FBXL17: variants seen among roughly 807,000 people sequenced by gnomAD.
FBXL17 encodes the protein F-box/LRR-repeat protein 17.
Under a neutral mutation model 66.2 loss-of-function variants are expected in FBXL17, and 22 were observed. The observed-to-expected ratio is 0.33, with a 90% CI of 0.24 to 0.47. The LOEUF (loss-of-function observed/expected upper bound fraction) is 0.47. Ranked by LOEUF, FBXL17 falls within the 20% of genes least tolerant of loss-of-function variation. The pLI, the probability that FBXL17 is intolerant of heterozygous loss-of-function variation, is 1.00. For missense variants in FBXL17, 878 were observed against 948.2 expected, an observed-to-expected ratio of 0.93 and a Z score of 0.97; for synonymous variants, 474 against 400.5, an observed-to-expected ratio of 1.18 and a Z score of -2.19.
At position 107,930,729 on chromosome 5, in the gene FBXL17, C is replaced by T. The variant is rs114821602; in HGVS notation, c.1823-49550G>A. On this transcript the variant is annotated intron_variant, in intron 7 of 8. Transcript: ENST00000542267. ...AGGTTCCTTAAGTTCTTTTATATTT[C>T]ATTTTGTTGTGTTACCTATTTATAT... Among the ~76,000 whole-genome samples, 153 of 152,260 alleles carry T rather than the reference C, an allele frequency of 1.0e-3. 1 individual carries two copies. The highest frequency in any genetic ancestry group is 3.4e-3 in the African/African-American group (140 of 41,556).
At chr5:107,896,570 C>T (rs1217331197) in intron 7 of FBXL17, among the ~76,000 whole-genome samples, 2 of 152,082 alleles carry the variant, frequency 1.3e-5, no homozygotes, top group Admixed American at 6.6e-5. Flanking sequence ...CAGTTCTTGT[C>T]TATTTTTTTA....
At chr5:108,083,146 A>G (rs1334972634) in intron 6 of FBXL17, among the ~76,000 whole-genome samples, 2 of 152,070 alleles carry the variant, frequency 1.3e-5, no homozygotes, top group Non-Finnish European at 2.9e-5. Context: ...TGTGAAAAAT[A>G]TCTACCTAAT....
chr5:108,088,666 A>T (rs1330136797), intron 6 of FBXL17, among the ~76,000 whole-genome samples: 1 of 126,268 alleles, frequency 7.9e-6, no homozygotes, highest in African/African-American at 3.0e-5. Context: ...GTGCCACTGC[A>T]CTCCAGCCTG....
At chr5:108,305,320 T>C (rs1351777224) in intron 4 of FBXL17, among the ~76,000 whole-genome samples, 1 of 151,898 alleles carries the variant, frequency 6.6e-6, no homozygotes, top group East Asian at 1.9e-4. Context: ...TGGGGCCCAC[T>C]GGAGGTGGGT....
chr5:107,961,826 T>C (rs1486249824), intron 7 of FBXL17, among the ~76,000 whole-genome samples: 1 of 152,182 alleles, frequency 6.6e-6, no homozygotes, highest in South Asian at 2.1e-4. Context: ...TTTCAAATGA[T>C]CATGGGATAG....
intron 5 of FBXL17, among the ~76,000 whole-genome samples, chr5:108,191,842 G>T (rs1334134024): frequency 1.3e-5 from 2 of 152,098 alleles, no homozygotes; most frequent in Non-Finnish European, 2.9e-5. Flanking sequence ...TGAAGAAACA[G>T]GTTTACTTGA....
chr5:107,952,559 C>G (rs1662695431), intron 7 of FBXL17, among the ~76,000 whole-genome samples: 1 of 152,194 alleles, frequency 6.6e-6, no homozygotes, highest in Non-Finnish European at 1.5e-5. Context: ...ATGTATGTTA[C>G]ATTTTGAACG....
chr5:107,940,796 A>T (rs1012576707), intron 7 of FBXL17, among the ~76,000 whole-genome samples: 3 of 152,190 alleles, frequency 2.0e-5, no homozygotes, highest in African/African-American at 7.2e-5. Flanking sequence ...AGGCGTTCTC[A>T]AACCTGGCTA....
chr5:108,367,591 A>T (rs1748746739), intron 2 of FBXL17, among the ~76,000 whole-genome samples: 1 of 152,144 alleles, frequency 6.6e-6, no homozygotes, highest in South Asian at 2.1e-4. Flanking sequence ...ATGAAAAAAG[A>T]CAAAAAGACC....
At chr5:107,970,452 C>T (rs897932888) in intron 7 of FBXL17, among the ~76,000 whole-genome samples, 2 of 152,216 alleles carry the variant, frequency 1.3e-5, no homozygotes, top group Non-Finnish European at 2.9e-5. Flanking sequence ...AACCCCACAG[C>T]TGCTACCGCT....
At chr5:108,029,146 A>T (rs1352719169) in intron 6 of FBXL17, among the ~76,000 whole-genome samples, 1 of 152,014 alleles carries the variant, frequency 6.6e-6, no homozygotes, top group Non-Finnish European at 1.5e-5. Flanking sequence ...TTTACAGGAG[A>T]TTTTACATAG....
intron 6 of FBXL17, among the ~76,000 whole-genome samples, chr5:108,032,869 A>G (rs1031384871): frequency 5.9e-5 from 9 of 152,208 alleles, no homozygotes; most frequent in African/African-American, 2.2e-4. Flanking sequence ...CATGTGTAAC[A>G]CCAAGGAATT....
chr5:107,878,365 A>T (rs1253950971), intron 8 of FBXL17: 2 of 877,492 alleles, frequency 2.3e-6, no homozygotes, highest in Non-Finnish European at 1.4e-6. Context: ...ACTAATCAGT[A>T]ACAGAGCATT....
At chr5:108,011,786 T>C (rs1449419349) in intron 7 of FBXL17, among the ~76,000 whole-genome samples, 3 of 152,122 alleles carry the variant, frequency 2.0e-5, no homozygotes, top group African/African-American at 7.2e-5. Context: ...ATCTCGCCAC[T>C]GCACTCTAGC....
intron 6 of FBXL17, among the ~76,000 whole-genome samples, chr5:108,163,954 A>T (rs1318066758): frequency 6.6e-6 from 1 of 152,214 alleles, no homozygotes; most frequent in Non-Finnish European, 1.5e-5. Context: ...CTGGCAATAA[A>T]CTATTTTTCC....
At chr5:107,911,115 T>A (rs1359639136) in intron 7 of FBXL17, among the ~76,000 whole-genome samples, 1 of 152,054 alleles carries the variant, frequency 6.6e-6, no homozygotes, top group African/African-American at 2.4e-5. Flanking sequence ...AAAAAGTAGT[T>A]AAGAGAGGGA....
chr5:108,096,210 G>C (rs1749361717), intron 6 of FBXL17, among the ~76,000 whole-genome samples: 1 of 152,168 alleles, frequency 6.6e-6, no homozygotes, highest in East Asian at 1.9e-4. Context: ...ATTTAGGCAT[G>C]AAGAGTCCAC....
intron 6 of FBXL17, among the ~76,000 whole-genome samples, chr5:108,115,730 T>G (rs1377219296): frequency 6.6e-6 from 1 of 151,936 alleles, no homozygotes; most frequent in Non-Finnish European, 1.5e-5. Context: ...ATGACCCACA[T>G]ATACACACCA....
chr5:108,308,750 A>C (rs1233399741), intron 4 of FBXL17, among the ~76,000 whole-genome samples: 2 of 152,130 alleles, frequency 1.3e-5, no homozygotes, highest in Non-Finnish European at 2.9e-5. Context: ...TTCACTTGAA[A>C]TAAATTAGGT....
Sources: allele counts gnomAD v4.1 joint callset (sites outside exome capture counted in the v4.1 genomes callset), GRCh38; gene constraint gnomAD v4.1.1; transcripts MANE v1.5; gene names NCBI Gene and HGNC (gene_info 2026-07-23, HGNC 2026-07-21).